ZNF846: variants seen among roughly 807,000 people sequenced by gnomAD.
ZNF846 encodes zinc finger protein 846, also known as zinc finger protein 420 pseudogene.
In ZNF846, 15 loss-of-function variants were observed where a neutral mutation model predicts 16.0. The observed-to-expected ratio is 0.94, with a 90% CI of 0.63 to 1.45. The LOEUF (loss-of-function observed/expected upper bound fraction) is 1.45, where lower values mean the gene tolerates loss of function less well. Among genes scored for constraint, ZNF846 ranks in the 40% most tolerant of loss-of-function variants. The probability of loss-of-function intolerance (pLI) is 0.00; values close to 1 mark genes in which losing one functional copy is unlikely to be tolerated. For synonymous variants in ZNF846, 229 were observed against 212.0 expected, an observed-to-expected ratio of 1.08 and a Z score of -0.70; for missense variants, 714 against 622.3, an observed-to-expected ratio of 1.15 and a Z score of -1.57.
intron 1 of ZNF846, among the ~76,000 whole-genome samples, chr19:9,776,505 T>C (rs2045444742): frequency 6.6e-6 from 1 of 152,250 alleles, no homozygotes; most frequent in Non-Finnish European, 1.5e-5. Flanking sequence ...AAGGGCCCCC[T>C]GTCCAGTGGA....
chr19:9,749,850 C>G (rs11882784), downstream of ZNF846, among the ~76,000 whole-genome samples: 292 of 152,212 alleles, frequency 1.9e-3, no homozygotes, highest in African/African-American at 6.8e-3. Context: ...ACTTTCTAGA[C>G]AGATTTGGTG....
At chr19:9,756,345 G>GTGTGTGTGTGTGTATATA (rs1321690890), downstream of ZNF846, 1 of 81,770 alleles carries the variant, frequency 1.2e-5, no homozygotes, top group African/African-American at 6.1e-5. Flanking sequence ...GTGTGTGTGT[G>GTGTGTGTGTGTGTATATA]TATATATATA....
chr19:9,748,854 G>A (rs557786454), downstream of ZNF846, among the ~76,000 whole-genome samples: 5 of 152,136 alleles, frequency 3.3e-5, no homozygotes, highest in East Asian at 5.8e-4. Context: ...CCCTCTAGGC[G>A]ACTATCTTCC....
intron 1 of ZNF846, among the ~76,000 whole-genome samples, chr19:9,766,799 C>T (rs904541928): frequency 2.0e-5 from 3 of 151,446 alleles, no homozygotes; most frequent in Non-Finnish European, 4.4e-5. Flanking sequence ...ACTCGGGAGG[C>T]CAAGGCAGGA....
intron 1 of ZNF846, chr19:9,774,576 T>C (rs540809668): frequency 1.6e-5 from 24 of 1,507,740 alleles, no homozygotes; most frequent in East Asian, 1.6e-4. Context: ...AACATCCAGG[T>C]TGATGAAGCT....
intron 1 of ZNF846, chr19:9,774,540 C>T (rs2045418372): frequency 4.9e-6 from 7 of 1,425,880 alleles, no homozygotes; most frequent in Non-Finnish European, 5.9e-6. Context: ...AGGAAATCTG[C>T]AAATGTGGGA....
intron 1 of ZNF846, among the ~76,000 whole-genome samples, chr19:9,780,573 C>T (rs2045492465): frequency 6.6e-6 from 1 of 152,048 alleles, no homozygotes; most frequent in African/African-American, 2.4e-5. Context: ...CCTCAGTCTC[C>T]CGAGTAGCTG....
intron 1 of ZNF846, 54 bp from the exon 2 acceptor site, chr19:9,765,089 C>T: frequency 1.0e-6 from 1 of 969,426 alleles, no homozygotes; most frequent in Non-Finnish European, 1.6e-6. Flanking sequence ...AAAAGTATTT[C>T]AGGCTAGGCA....
chr19:9,774,949 C>A, intron 1 of ZNF846: 1 of 1,609,108 alleles, frequency 6.2e-7, no homozygotes, highest in Admixed American at 1.7e-5. Context: ...GGGAAAGTGA[C>A]CTGTGGACTA....
At chr19:9,752,789 G>T (rs1392372104), downstream of ZNF846, among the ~76,000 whole-genome samples, 1 of 151,382 alleles carries the variant, frequency 6.6e-6, no homozygotes, top group Non-Finnish European at 1.5e-5. Flanking sequence ...TGAATTCTGT[G>T]AAACATTCCT....
chr19:9,759,965 G>C, intron 4 of ZNF846, 23 bp from the exon 5 acceptor site: 1 of 1,591,114 alleles, frequency 6.3e-7, no homozygotes, highest in Non-Finnish European at 8.6e-7. Flanking sequence ...GAAAAATGCA[G>C]CTTGGGAGAA....
intron 1 of ZNF846, chr19:9,774,503 G>A (rs1226506423): frequency 4.6e-6 from 5 of 1,075,750 alleles, no homozygotes; most frequent in Admixed American, 3.6e-5. Context: ...CAAGATGGCG[G>A]CCAGCAGGAG....
chr19:9,752,660 T>G (rs1240117182), downstream of ZNF846, among the ~76,000 whole-genome samples: 3 of 145,414 alleles, frequency 2.1e-5, no homozygotes, highest in Non-Finnish European at 4.5e-5. Flanking sequence ...TTCAGTGATT[T>G]CCCTTTTTTT....
In ZNF846 at chr19:9,764,922, T is replaced by C. The variant is rs1228615120; in HGVS notation, c.15+14A>G. The C allele has an allele frequency of 4.3e-6, 7 of 1,614,040 alleles. No individual in the cohort carries two copies. The highest frequency in any genetic ancestry group is 1.7e-5 in the Admixed American group (1 of 59,996). On this transcript the variant is annotated intron_variant, in intron 2 of 5. Transcript: ENST00000397902. Reference sequence around the variant, plus strand: ...AAGCATAACATTTTGAAGTTAGGTCTGCTTTCCACTTGCCTGAGAAGAATC... The same window carrying C: ...AAGCATAACATTTTGAAGTTAGGTCCGCTTTCCACTTGCCTGAGAAGAATC...
intron 1 of ZNF846, among the ~76,000 whole-genome samples, chr19:9,785,673 T>A (rs994841476): frequency 6.9e-5 from 1 of 14,470 alleles, no homozygotes; most frequent in African/African-American, 2.9e-4. Flanking sequence ...CCGCCCCATC[T>A]CCCCCTCACC....
At chr19:9,779,452 G>C (rs58106239) in intron 1 of ZNF846, among the ~76,000 whole-genome samples, 1,964 of 151,518 alleles carry the variant, frequency 0.013, 39 homozygotes, top group African/African-American at 0.045. Context: ...ATTTTTAGTA[G>C]AGACAGGGTT....
downstream of ZNF846, among the ~76,000 whole-genome samples, chr19:9,755,323 C>G (rs1030526783): frequency 4.0e-5 from 6 of 151,466 alleles, 1 homozygote; most frequent in Admixed American, 1.3e-4. Flanking sequence ...CATGACAAGT[C>G]GTCATGGACA....
chr19:9,766,299 A>G (rs143124980), intron 1 of ZNF846, among the ~76,000 whole-genome samples: 5,622 of 151,776 alleles, frequency 0.037, 362 homozygotes, highest in African/African-American at 0.13. Flanking sequence ...CTGTAATCCC[A>G]GCTACTCGGG....
At position 9,757,528 on chromosome 19, in the gene ZNF846, G is replaced by C. The variant is rs755139782; in HGVS notation, c.1549C>G (p.Gln517Glu). Residue 517 changes from glutamine (Q) to glutamate (E), a missense_variant, in exon 6 of 6, where the codon CAA becomes GAA. Coordinates refer to ENST00000397902, the Ensembl canonical transcript of ZNF846. ...AGATGTTTAGCAAGTGCTGAAGATT[G>C]AGTGAAGTTTTTCCCACATTTCTTA... 7.4e-6 allele frequency: 12 copies of C among 1,611,154 alleles called. No homozygotes were observed. In the East Asian group the frequency reaches 2.7e-4, roughly 36 times the overall value.
Sources: allele counts gnomAD v4.1 joint callset (sites outside exome capture counted in the v4.1 genomes callset), GRCh38; gene constraint gnomAD v4.1.1; transcripts MANE v1.5; gene names NCBI Gene and HGNC (gene_info 2026-07-23, HGNC 2026-07-21).